Variants in KCNAB2 observed in about 807,000 individuals in gnomAD.
KCNAB2 encodes the protein potassium voltage-gated channel subfamily A regulatory beta subunit 2, also known as voltage-gated potassium channel subunit beta-2.
In KCNAB2, 29 loss-of-function variants were observed where a neutral mutation model predicts 63.6. The observed-to-expected ratio is 0.46, with a 90% confidence interval of 0.34 to 0.62. KCNAB2 has a LOEUF of 0.62. Among genes scored for constraint, KCNAB2 ranks in the 20% least tolerant of loss-of-function variants. KCNAB2 has a pLI of 0.01. For missense variants in KCNAB2, 359 were observed against 563.9 expected (o/e 0.64, Z 3.68); for synonymous variants, 222 against 224.2 (o/e 0.99, Z 0.09).
intron 1 of KCNAB2, among the ~76,000 whole-genome samples, chr1:6,000,236 A>G (rs1657174864): frequency 6.6e-6 from 1 of 152,022 alleles, no homozygotes; most frequent in Non-Finnish European, 1.5e-5. Context: ...ATTTTTAGTC[A>G]CCCAGACCAG....
At chr1:6,033,650 G>C (rs1469721461), upstream of KCNAB2, among the ~76,000 whole-genome samples, 2 of 152,178 alleles carry the variant, frequency 1.3e-5, no homozygotes, top group Non-Finnish European at 2.9e-5. Context: ...TATGAGGTTT[G>C]AAAGTTTTCA....
intron 2 of KCNAB2, among the ~76,000 whole-genome samples, chr1:6,054,246 G>C (rs185964455): frequency 6.6e-6 from 1 of 152,126 alleles, no homozygotes; most frequent in Non-Finnish European, 1.5e-5. Flanking sequence ...GAGGAGTCTC[G>C]GTGTTACCGG....
intron 1 of KCNAB2, among the ~76,000 whole-genome samples, chr1:6,017,681 C>T (rs139569149): frequency 0.012 from 1,858 of 152,192 alleles, 15 homozygotes; most frequent in Non-Finnish European, 0.019. Flanking sequence ...ATCCCAGCTA[C>T]TCGAGAGGCT....
At chr1:6,001,333 C>T (rs1657249031) in intron 1 of KCNAB2, among the ~76,000 whole-genome samples, 1 of 151,192 alleles carries the variant, frequency 6.6e-6, no homozygotes, top group South Asian at 2.1e-4. Flanking sequence ...CACACACACT[C>T]TCCCAACACA....
At chr1:6,021,673 G>A (rs1658827883) in intron 1 of KCNAB2, among the ~76,000 whole-genome samples, 1 of 151,932 alleles carries the variant, frequency 6.6e-6, no homozygotes, top group South Asian at 2.1e-4. Flanking sequence ...TGAGGGTAAA[G>A]TGCAGTGGTA....
rs1664807350 is a variant in KCNAB2 at position 6,087,543 on chromosome 1, CCGGCCCAGCAGCCA to C, written c.470+39_470+52del. The C allele has an allele frequency of 1.9e-6, 3 of 1,612,704 alleles. No homozygotes were observed. The highest frequency in any genetic ancestry group is 2.5e-6 in the Non-Finnish European group (3 of 1,178,930). The stretch of plus-strand genomic sequence containing the variant: ...GCAACAGCTGGCGATGCTTCCAGCC[CCGGCCCAGCAGCCA>C]CGGCCCCGTGCTCCCCAGAGACCCC... On this transcript the variant is annotated intron_variant, in intron 7 of 15. Transcript: ENST00000378083. This position sits in a 1 kb window ranked among gnomAD's most constrained non-coding sequence, Gnocchi z 6.4.
At chr1:6,044,537 C>T (rs1416528447), upstream of KCNAB2, among the ~76,000 whole-genome samples, 1 of 152,072 alleles carries the variant, frequency 6.6e-6, no homozygotes, top group Non-Finnish European at 1.5e-5. Flanking sequence ...CAGCCTGGGC[C>T]ATCAGGGACA....
At chr1:6,050,375 A>G (rs1248456665) in intron 1 of KCNAB2, among the ~76,000 whole-genome samples, 1 of 152,214 alleles carries the variant, frequency 6.6e-6, no homozygotes, top group Non-Finnish European at 1.5e-5. Context: ...GGTGAGGGTC[A>G]CTGGACTGGG....
chr1:6,042,828 G>GCCCCCCCC (rs1660602552), upstream of KCNAB2, among the ~76,000 whole-genome samples: 1 of 32,648 alleles, frequency 3.1e-5, no homozygotes, highest in Non-Finnish European at 5.4e-5. Flanking sequence ...TTCTCTCCCC[G>GCCCCCCCC]CGCCCCCACT....
chr1:6,010,077 A>C (rs558698570), intron 1 of KCNAB2, among the ~76,000 whole-genome samples: 1 of 152,112 alleles, frequency 6.6e-6, no homozygotes, highest in South Asian at 2.1e-4. Context: ...CGGTTTCACC[A>C]CGTTGGCCAG....
At chr1:6,030,778 GTGTGTGTA>G (rs70981309), upstream of KCNAB2, among the ~76,000 whole-genome samples, 19,119 of 150,238 alleles carry the variant, frequency 0.13, 1,616 homozygotes, top group Non-Finnish European at 0.18. Flanking sequence ...GTGTAGATAT[GTGTGTGTA>G]TGTGTGTAGG....
Position 6,095,366 on chromosome 1 carries a change from T to C in KCNAB2, c.776T>C (p.Ile259Thr), listed in dbSNP as rs1454463400. Reference protein sequence around the residue: ...VARQFNLTPPICEQAEYHMFQ... With the variant: ...VARQFNLTPPTCEQAEYHMFQ... ...CGGCAGTTCAACCTGACCCCGCCCATCTGCGAGCAGGCTGAGTACCACATG... is the reference window on the plus strand; with the variant it reads ...CGGCAGTTCAACCTGACCCCGCCCACCTGCGAGCAGGCTGAGTACCACATG... Residue 259 changes from isoleucine to threonine, a missense_variant, in exon 12 of 16, where the codon ATC becomes ACC. Coordinates refer to ENST00000378083, the MANE Select transcript of KCNAB2 (RefSeq NM_001199862.2). 1.2e-6 allele frequency: 2 copies of C among 1,612,904 alleles called. No individual in the cohort carries two copies. Among genetic ancestry groups the C allele is most frequent in the African/African-American group, 1.3e-5 (1 of 74,946 alleles).
At position 6,097,583 on chromosome 1, in the gene KCNAB2, C is replaced by T. The variant is rs899684374; in HGVS notation, c.1158+226C>T. On this transcript the variant is annotated intron_variant, in intron 15 of 15. Transcript: ENST00000378083. The stretch of plus-strand genomic sequence containing the variant: ...TAGAATGTGTGTCAGGGTGGACGAG[C>T]GCTGTAGGAGAGAAGCCAGAGATAA... 248 of 763,292 alleles carry T rather than the reference C, an allele frequency of 3.2e-4. 1 individual carries two copies. Among genetic ancestry groups the T allele is most frequent in the Non-Finnish European group, 3.6e-4 (167 of 469,866 alleles). 47.3% of individuals were successfully genotyped at this position (763,292 alleles called of 1,614,324 possible).
At position 6,095,438 on chromosome 1, in the gene KCNAB2, A is replaced by G; in HGVS notation, c.848A>G (p.Lys283Arg). The change falls in exon 12 of 16, where the codon AAG becomes AGG. Residue 283 changes from lysine to arginine, a missense_variant. Lys to Arg is a conservative substitution (Grantham distance 26). Transcript: ENST00000378083. ...GTGCAGCTGCCGGAGCTGTTCCACA[A>G]GATAGGTGGGCACCCTCGGGCCCCT... ...VEVQLPELFH[K>R]IGVGAMTWSP... The G allele has an allele frequency of 6.2e-7, 1 of 1,612,976 alleles. No individual in the cohort carries two copies. Among genetic ancestry groups the G allele is most frequent in the Non-Finnish European group, 8.5e-7 (1 of 1,180,026 alleles).
At position 6,003,123 on chromosome 1, in the gene KCNAB2, C is replaced by G. The variant is rs1031571993; in HGVS notation, c.-53+10335C>G. 6.6e-6 allele frequency among the ~76,000 whole-genome samples: 1 copy of G among 152,192 alleles called. No individual in the cohort carries two copies. On this transcript the variant is annotated intron_variant, in intron 1 of 16. Transcript: ENST00000341524. This position sits in a 1 kb window ranked among gnomAD's most constrained non-coding sequence, Gnocchi z 4.1. Reference sequence around the variant, plus strand: ...CGGGGCGGGCGCTCGCCCTTGGCCTCGCTCCTGAGCCACAGTCACCAGGGT... The same window carrying G: ...CGGGGCGGGCGCTCGCCCTTGGCCTGGCTCCTGAGCCACAGTCACCAGGGT...
chr1:5,995,314 T>C (rs1656883698), intron 1 of KCNAB2, among the ~76,000 whole-genome samples: 2 of 152,136 alleles, frequency 1.3e-5, no homozygotes, highest in Admixed American at 6.5e-5. Context: ...AGGACAGGCT[T>C]CTCCAGGGTC....
intron 1 of KCNAB2, among the ~76,000 whole-genome samples, chr1:6,038,644 A>G (rs1327394300): frequency 1.3e-5 from 2 of 152,122 alleles, no homozygotes; most frequent in Admixed American, 6.5e-5. Flanking sequence ...TCGCTCACTC[A>G]GAGGAGACCT....
In KCNAB2 at chr1:6,024,306, G is replaced by A. The variant is rs1469285905; in HGVS notation, c.-52-16211G>A. Among the ~76,000 whole-genome samples, 2 of 151,990 alleles carry A rather than the reference G, an allele frequency of 1.3e-5. No homozygotes were observed. The highest frequency in any genetic ancestry group is 4.8e-5 in the African/African-American group (2 of 41,454). On this transcript the variant is annotated intron_variant, in intron 1 of 16. Coordinates refer to the KCNAB2 transcript ENST00000341524. The surrounding 1 kb of genome is among the most constrained non-coding windows in gnomAD (Gnocchi z 5.4). ...TCACTATGTTGCCCAGACTGGTCTC[G>A]AACTCCTGGCCTCAAGCAATCCTCC... is the stretch of plus-strand genomic sequence containing the variant.
chr1:6,078,902 A>T lies in KCNAB2; in HGVS notation c.301-3293A>T, dbSNP rs958227136. ...ACCACGCTTTGCCTGGGGAAGGTGCAGGGAGAGAGGATGGAAGCAGAGAGC... is the reference window on the plus strand; with the variant it reads ...ACCACGCTTTGCCTGGGGAAGGTGCTGGGAGAGAGGATGGAAGCAGAGAGC... On this transcript the variant is annotated intron_variant, in intron 4 of 15. Transcript: ENST00000378083. This position sits in a 1 kb window ranked among gnomAD's most constrained non-coding sequence, Gnocchi z 4.2. Among the ~76,000 whole-genome samples, 4 of 152,200 alleles carry T rather than the reference A, an allele frequency of 2.6e-5. No homozygotes were observed. Among genetic ancestry groups the T allele is most frequent in the Non-Finnish European group, 5.9e-5 (4 of 68,022 alleles).
Sources: gnomAD v4.1 joint callset for allele counts (sites outside exome capture counted in the v4.1 genomes callset) on GRCh38, gnomAD v4.1.1 for gene constraint, Gnocchi (gnomAD v3.1) non-coding constraint, MANE v1.5 for transcripts, NCBI Gene and HGNC (gene_info 2026-07-23, HGNC 2026-07-21) for gene names.